Variants in RIMS4 observed in about 807,000 individuals in gnomAD.
RIMS4 encodes regulating synaptic membrane exocytosis protein 4.
A neutral mutation model predicts 29.0 loss-of-function variants in RIMS4; 9 were observed. The observed-to-expected ratio is 0.31, with a 90% CI of 0.19 to 0.54. RIMS4 has a LOEUF of 0.54. Among genes scored for constraint, RIMS4 ranks in the 20% least tolerant of loss-of-function variants. The pLI is 0.94. For synonymous variants in RIMS4, 130 were observed against 152.9 expected, an observed-to-expected ratio of 0.85 and a Z score of 1.10; for missense variants, 193 against 365.7, an observed-to-expected ratio of 0.53 and a Z score of 3.85.
chr20:44,784,062 A>T (rs1336883504), intron 1 of RIMS4, among the ~76,000 whole-genome samples: 2 of 152,162 alleles, frequency 1.3e-5, no homozygotes. Context: ...TTCTACACTG[A>T]CCCCAAGAGG....
At chr20:44,805,298 C>T (rs1383685021) in intron 1 of RIMS4, among the ~76,000 whole-genome samples, 2 of 151,948 alleles carry the variant, frequency 1.3e-5, no homozygotes, top group Admixed American at 1.3e-4. Context: ...AGAGGGAGAC[C>T]CTGCCTCAAA....
At chr20:44,790,269 G>A (rs1259451033) in intron 1 of RIMS4, among the ~76,000 whole-genome samples, 1 of 152,160 alleles carries the variant, frequency 6.6e-6, no homozygotes, top group Non-Finnish European at 1.5e-5. Flanking sequence ...TACAGGCCAC[G>A]GAGCCACTAA....
chr20:44,772,506 T>C (rs1173089487), intron 1 of RIMS4, among the ~76,000 whole-genome samples: 1 of 152,178 alleles, frequency 6.6e-6, no homozygotes, highest in African/African-American at 2.4e-5. Flanking sequence ...AGGTGGATGC[T>C]GCTGTTCACC....
intron 4 of RIMS4, among the ~76,000 whole-genome samples, chr20:44,757,468 G>C (rs1358615216): frequency 2.0e-5 from 3 of 152,194 alleles, no homozygotes; most frequent in Non-Finnish European, 4.4e-5. Context: ...CAGTCCAGTG[G>C]AGGAGAGGAA....
chr20:44,760,514 CA>C (rs2066079765), intron 2 of RIMS4, among the ~76,000 whole-genome samples: 2 of 152,120 alleles, frequency 1.3e-5, no homozygotes, highest in African/African-American at 4.8e-5. Flanking sequence ...AAACAATGAC[CA>C]AGGAGCAGAC....
At chr20:44,758,216 A>G in intron 2 of RIMS4, 32 bp from the exon 3 acceptor site, 1 of 1,502,492 alleles carries the variant, frequency 6.7e-7, no homozygotes, top group Non-Finnish European at 9.2e-7. Context: ...CAAAGCACAC[A>G]TTCCCAGTGG....
rs188589714 is a variant in RIMS4 at position 44,770,674 on chromosome 20, G to A, written c.236+601C>T. 2.3e-3 allele frequency among the ~76,000 whole-genome samples: 351 copies of A among 152,238 alleles called. 2 individuals carry two copies. The highest frequency in any genetic ancestry group is 7.9e-3 in the African/African-American group (326 of 41,526). ...TAACGTGTTCCCGTGATTCTGACGC[G>A]GAGCCCACAGAGGGAAACGCTGGCA... On this transcript the variant is annotated intron_variant, in intron 2 of 5. Transcript: ENST00000372851.
At chr20:44,808,467 G>A (rs1297802853) in intron 1 of RIMS4, among the ~76,000 whole-genome samples, 4 of 152,126 alleles carry the variant, frequency 2.6e-5, no homozygotes, top group Admixed American at 2.6e-4. Context: ...TGGCTCTTGA[G>A]ATCCAAGTGG....
intron 2 of RIMS4, among the ~76,000 whole-genome samples, chr20:44,758,492 A>G (rs936788226): frequency 6.6e-6 from 1 of 152,146 alleles, no homozygotes; most frequent in Admixed American, 6.5e-5. Flanking sequence ...TGCACGTGAA[A>G]GTGTGAGCTG....
At chr20:44,773,099 A>G (rs1451368506) in intron 1 of RIMS4, among the ~76,000 whole-genome samples, 1 of 152,122 alleles carries the variant, frequency 6.6e-6, no homozygotes, top group Non-Finnish European at 1.5e-5. Flanking sequence ...ACACAGTAAG[A>G]TGCATGCAAA....
intron 1 of RIMS4, among the ~76,000 whole-genome samples, 166 bp downstream of exon 1, chr20:44,810,009 T>C (rs956027802): frequency 1.4e-5 from 2 of 147,844 alleles, no homozygotes; most frequent in Admixed American, 6.7e-5. Context: ...GGCCAGAAGG[T>C]AGCGCATCCT....
chr20:44,760,706 C>G (rs928384284), intron 2 of RIMS4, among the ~76,000 whole-genome samples: 2 of 152,058 alleles, frequency 1.3e-5, no homozygotes, highest in Non-Finnish European at 2.9e-5. Flanking sequence ...ATTCATTCAA[C>G]CAACAAATGT....
At chr20:44,763,270 T>C (rs1405608534) in intron 2 of RIMS4, among the ~76,000 whole-genome samples, 1 of 152,210 alleles carries the variant, frequency 6.6e-6, no homozygotes, top group Non-Finnish European at 1.5e-5. Context: ...TGCAGTTTCC[T>C]CATGTAGAAA....
chr20:44,768,782 C>T (rs1163698744), intron 2 of RIMS4, among the ~76,000 whole-genome samples: 1 of 152,230 alleles, frequency 6.6e-6, no homozygotes, highest in Non-Finnish European at 1.5e-5. Flanking sequence ...TTACTCAGTG[C>T]TTACTCTGTG....
chr20:44,778,503 C>G (rs891233994), intron 1 of RIMS4, among the ~76,000 whole-genome samples: 2 of 151,988 alleles, frequency 1.3e-5, no homozygotes, highest in Admixed American at 6.6e-5. Context: ...TAGTGAGACC[C>G]TGCCTCTATA....
At chr20:44,808,506 G>T (rs538215580) in intron 1 of RIMS4, among the ~76,000 whole-genome samples, 1 of 152,278 alleles carries the variant, frequency 6.6e-6, no homozygotes, top group African/African-American at 2.4e-5. Flanking sequence ...GTGTTGGGGA[G>T]CCCCCTACTT....
chr20:44,783,333 C>T (rs529705679), intron 1 of RIMS4, among the ~76,000 whole-genome samples: 2 of 152,202 alleles, frequency 1.3e-5, no homozygotes, highest in Non-Finnish European at 2.9e-5. Flanking sequence ...AAAAAGCATG[C>T]AGTACTGGGC....
chr20:44,772,889 CCCT>C (rs2066143047), intron 1 of RIMS4, among the ~76,000 whole-genome samples: 1 of 152,186 alleles, frequency 6.6e-6, no homozygotes, highest in African/African-American at 2.4e-5. Flanking sequence ...CTCCTGGCCT[CCCT>C]CCTCCTCCCA....
chr20:44,783,623 A>G (rs182913025), intron 1 of RIMS4, among the ~76,000 whole-genome samples: 2 of 152,064 alleles, frequency 1.3e-5, no homozygotes, highest in African/African-American at 2.4e-5. Context: ...CCCTGTCTCA[A>G]AAAAAACAAA....
Sources: gnomAD v4.1 joint callset for allele counts (sites outside exome capture counted in the v4.1 genomes callset) on GRCh38, gnomAD v4.1.1 for gene constraint, MANE v1.5 for transcripts, NCBI Gene and HGNC (gene_info 2026-07-23, HGNC 2026-07-21) for gene names.